The following RANBP2 variants were observed in gnomAD, a reference collection of about 807,000 sequenced individuals.
RANBP2 encodes RAN binding protein 2, also known as E3 SUMO-protein ligase RanBP2.
Under a neutral mutation model 303.6 loss-of-function variants are expected in RANBP2, and 57 were observed. The ratio of observed to expected loss-of-function variants is 0.19; its 90% CI spans 0.15 to 0.23. RANBP2 has a LOEUF of 0.23. Among genes scored for constraint, RANBP2 ranks in the 10% least tolerant of loss-of-function variants. The probability of loss-of-function intolerance (pLI) is 1.00; values close to 1 mark genes in which losing one functional copy is unlikely to be tolerated. For missense variants in RANBP2, 3,138 were observed against 3,780.8 expected, an observed-to-expected ratio of 0.83 and a Z score of 4.46; for synonymous variants, 1,167 against 1,301.5, an observed-to-expected ratio of 0.90 and a Z score of 2.23.
the RANBP2 span, among the ~76,000 whole-genome samples, chr2:109,078,117 T>TTATTC: frequency 1.3e-4 from 10 of 75,278 alleles, no homozygotes; most frequent in Non-Finnish European, 2.5e-4. Context: ...TATATATATA[T>TTATTC]AGCGTGTATA....
the RANBP2 span, among the ~76,000 whole-genome samples, chr2:109,312,523 C>T: frequency 1.3e-5 from 2 of 152,158 alleles, no homozygotes; most frequent in Admixed American, 1.3e-4. Flanking sequence ...CATCAGCAGC[C>T]ACCCCGCTGG....
chr2:109,044,921 T>C, the RANBP2 span, among the ~76,000 whole-genome samples: 1 of 152,236 alleles, frequency 6.6e-6, no homozygotes, highest in East Asian at 1.9e-4. Flanking sequence ...TAAGTGATTC[T>C]ACTAAAGTCT....
chr2:109,227,662 G>A, the RANBP2 span, among the ~76,000 whole-genome samples: 1 of 152,204 alleles, frequency 6.6e-6, no homozygotes, highest in Non-Finnish European at 1.5e-5. Context: ...GTACACGGCA[G>A]CTCCCCTGCT....
At chr2:108,846,009 AT>A in the RANBP2 span, among the ~76,000 whole-genome samples, 1 of 151,954 alleles carries the variant, frequency 6.6e-6, no homozygotes, top group African/African-American at 2.4e-5. Context: ...CTAACCCAGT[AT>A]TTTACTGTTT....
the RANBP2 span, among the ~76,000 whole-genome samples, chr2:108,891,989 A>C: frequency 6.6e-6 from 1 of 152,074 alleles, no homozygotes; most frequent in Admixed American, 6.5e-5. Context: ...CCCTGTCTGA[A>C]AGAGGGGGCA....
chr2:109,119,662 G>A, the RANBP2 span, among the ~76,000 whole-genome samples: 3 of 152,128 alleles, frequency 2.0e-5, no homozygotes, highest in Admixed American at 2.0e-4. Context: ...TATTTTCTAA[G>A]ATCTTAAGCC....
the RANBP2 span, among the ~76,000 whole-genome samples, chr2:108,949,329 C>A: frequency 6.6e-6 from 1 of 152,152 alleles, no homozygotes; most frequent in Non-Finnish European, 1.5e-5. Flanking sequence ...ATTAATTATT[C>A]CAAAGAGAAA....
chr2:108,740,291 C>CAT (rs1392595277), intron 6 of RANBP2, among the ~76,000 whole-genome samples, 198 bp from the exon 7 acceptor site: 2 of 151,916 alleles, frequency 1.3e-5, no homozygotes, highest in Admixed American at 1.3e-4. Flanking sequence ...AGAGGTTAAG[C>CAT]ATGAAGTATA....
chr2:109,296,175 C>G, the RANBP2 span, among the ~76,000 whole-genome samples: 1 of 152,076 alleles, frequency 6.6e-6, no homozygotes, highest in Non-Finnish European at 1.5e-5. Flanking sequence ...CCCCTAGGAC[C>G]CAGAGCCTCC....
At chr2:108,834,731 G>C in the RANBP2 span, among the ~76,000 whole-genome samples, 1 of 152,124 alleles carries the variant, frequency 6.6e-6, no homozygotes, top group Non-Finnish European at 1.5e-5. Context: ...AAACAATTCT[G>C]TACCCGTTTA....
chr2:109,681,418 GTT>G, the RANBP2 span, among the ~76,000 whole-genome samples: 1 of 152,168 alleles, frequency 6.6e-6, no homozygotes, highest in Non-Finnish European at 1.5e-5. Flanking sequence ...TTCAGTAAAA[GTT>G]CACATTAAAA....
chr2:109,687,508 C>T, the RANBP2 span, among the ~76,000 whole-genome samples: 1 of 152,144 alleles, frequency 6.6e-6, no homozygotes, highest in South Asian at 2.1e-4. Context: ...ACCTGTGAGG[C>T]CAATCTCGCA....
intron 7 of RANBP2, among the ~76,000 whole-genome samples, chr2:108,742,006 T>C (rs1696143669): frequency 6.6e-6 from 1 of 152,004 alleles, no homozygotes; most frequent in South Asian, 2.1e-4. Context: ...AAATCTTTTT[T>C]TCTTTTTGAG....
At chr2:109,129,209 A>G in the RANBP2 span, 1 of 516,704 alleles carries the variant, frequency 1.9e-6, no homozygotes, top group Admixed American at 2.8e-5. Context: ...TGCAGCACAG[A>G]ACCCGTTGAG....
the RANBP2 span, among the ~76,000 whole-genome samples, chr2:109,750,792 C>T: frequency 7.5e-4 from 46 of 61,394 alleles, no homozygotes; most frequent in African/African-American, 2.5e-3. Context: ...GGCGTGATCT[C>T]GTCTCACTGC....
At chr2:108,748,513 G>A (rs1432338918) in intron 8 of RANBP2, among the ~76,000 whole-genome samples, 1 of 151,568 alleles carries the variant, frequency 6.6e-6, no homozygotes, top group Non-Finnish European at 1.5e-5. Context: ...GAGCCACCGT[G>A]CCCAGCCGGA....
chr2:108,877,232 C>G, the RANBP2 span, among the ~76,000 whole-genome samples: 1 of 152,068 alleles, frequency 6.6e-6, no homozygotes, highest in Non-Finnish European at 1.5e-5. Flanking sequence ...CTCTAGGAGG[C>G]TGAGGTGGGC....
chr2:108,829,517 A>C, the RANBP2 span, among the ~76,000 whole-genome samples: 1 of 152,212 alleles, frequency 6.6e-6, no homozygotes, highest in Non-Finnish European at 1.5e-5. Flanking sequence ...AGGCCAAGGC[A>C]GGCGGGTCAC....
chr2:108,798,276 T>A, the RANBP2 span: 1 of 663,954 alleles, frequency 1.5e-6, no homozygotes, highest in Admixed American at 2.9e-5. Flanking sequence ...GTTTACTTGC[T>A]ATACTAGTCT....
Sources: allele counts gnomAD v4.1 joint callset (sites outside exome capture counted in the v4.1 genomes callset), GRCh38; gene constraint gnomAD v4.1.1; transcripts MANE v1.5; gene names NCBI Gene and HGNC (gene_info 2026-07-23, HGNC 2026-07-21).